The following NOL8 variants were observed in gnomAD, a reference collection of about 807,000 sequenced individuals.
NOL8 encodes the protein nucleolar protein 8, also known as nucleolar protein Nop132.
In NOL8, 93 loss-of-function variants were observed where a neutral mutation model predicts 116.1. That is an observed-to-expected ratio of 0.80 (90% confidence interval 0.68 to 0.95). The LOEUF is 0.95. Among genes scored for constraint, NOL8 ranks in the 40% least tolerant of loss-of-function variants. The pLI, the probability that NOL8 is intolerant of heterozygous loss-of-function variation, is 0.00. For synonymous variants in NOL8, 419 were observed against 469.0 expected (o/e 0.89, Z 1.38); for missense variants, 1,291 against 1,382.8 (o/e 0.93, Z 1.05).
At chr9:92,321,580 C>T (rs569849738) in intron 4 of NOL8, 88 bp downstream of exon 4, 2 of 737,044 alleles carry the variant, frequency 2.7e-6, no homozygotes, top group Non-Finnish European at 4.5e-6. Context: ...GAATATAATA[C>T]TATATTACTT....
At chr9:92,306,230 G>A (rs1298074252) in intron 11 of NOL8, among the ~76,000 whole-genome samples, 1 of 152,126 alleles carries the variant, frequency 6.6e-6, no homozygotes, top group Non-Finnish European at 1.5e-5. Context: ...CTGATCTCAG[G>A]TGATCCGCCC....
Position 92,315,468 on chromosome 9 carries a change from G to A in NOL8, c.1157C>T (p.Ala386Val), listed in dbSNP as rs867066464. Residue 386 changes from alanine (A) to valine (V), a missense_variant, in exon 7 of 17, where the codon GCG (alanine) becomes GTG (valine). Coordinates refer to ENST00000442668, the MANE Select transcript of NOL8 (RefSeq NM_017948.6). Reference sequence around the variant, plus strand: ...GACCTTAGCAACATTTTTTTTCATCGCAATAATTTCATCTGTATCTCCTGA... The same window carrying A: ...GACCTTAGCAACATTTTTTTTCATCACAATAATTTCATCTGTATCTCCTGA... Reference protein sequence around the residue: ...YDSGDTDEIIAMKKNVAKVKN... With the variant: ...YDSGDTDEIIVMKKNVAKVKN... The A allele has an allele frequency of 6.9e-6, 11 of 1,599,050 alleles. No individual in the cohort carries two copies. Among genetic ancestry groups the A allele is most frequent in the South Asian group, 2.2e-5 (2 of 89,074 alleles).
intron 10 of NOL8, among the ~76,000 whole-genome samples, chr9:92,307,259 T>C (rs534321228): frequency 6.6e-6 from 1 of 152,348 alleles, no homozygotes; most frequent in Non-Finnish European, 1.5e-5. Flanking sequence ...TATGAAAGTC[T>C]GAATTTAATG....
At chr9:92,318,182 C>A (rs1253368164) in intron 6 of NOL8, among the ~76,000 whole-genome samples, 2 of 151,844 alleles carry the variant, frequency 1.3e-5, no homozygotes, top group South Asian at 2.1e-4. Context: ...CTGCTCCAAA[C>A]TATTTCTCAA....
At chr9:92,301,510 A>C in intron 13 of NOL8, 41 bp downstream of exon 13, 1 of 1,462,648 alleles carries the variant, frequency 6.8e-7, no homozygotes, top group Non-Finnish European at 9.2e-7. Flanking sequence ...ATTAAGTTCA[A>C]ACTGAATAAA....
intron 14 of NOL8, 113 bp downstream of exon 14, chr9:92,299,777 G>A: frequency 9.2e-7 from 1 of 1,084,206 alleles, no homozygotes. Flanking sequence ...AATAAAAAAA[G>A]AAGCTAAGAC....
Position 92,310,190 on chromosome 9 carries a change from G to C in NOL8, c.2667C>G (p.Asp889Glu). 1 of 1,608,020 alleles carries C rather than the reference G, an allele frequency of 6.2e-7. No homozygotes were observed. The highest frequency in any genetic ancestry group is 8.5e-7 in the Non-Finnish European group (1 of 1,177,234). Residue 889 changes from aspartate (D) to glutamate (E), a missense_variant, in exon 10 of 17, where the codon GAC (aspartate) becomes GAG (glutamate). Asp to Glu is a conservative substitution (Grantham distance 45, BLOSUM62 2). Transcript: ENST00000442668. ...ATTTACCTTCCTGTTCCTCTTCACT[G>C]TCAGTTTCTAGAAATCGAGAGTCCA... ...FRMDSRFLET[D>E]SEEEQEEVNE...
At chr9:92,311,096 G>T in intron 8 of NOL8, 50 bp downstream of exon 8, 2 of 1,385,988 alleles carry the variant, frequency 1.4e-6, no homozygotes, top group South Asian at 1.2e-5. Context: ...TTTGTGGTGT[G>T]GATCTGCAGA....
Position 92,324,052 on chromosome 9 carries a change from A to G in NOL8, c.110T>C (p.Val37Ala), listed in dbSNP as rs1840202560. Residue 37 changes from valine to alanine, a missense_variant, in exon 2 of 17, where the codon GTG (valine) becomes GCG (alanine). By Grantham distance (64) the Val-to-Ala change is moderately conservative (BLOSUM62 0). Coordinates refer to ENST00000442668, the MANE Select transcript of NOL8 (RefSeq NM_017948.6). ...GTCATCTTTCCGTGTGATGATCTCC[A>G]CATCCGAAACTTCTCCAAATCTGCT... ...QFSRFGEVSD[V>A]EIITRKDDQG... The G allele has an allele frequency of 1.2e-6, 2 of 1,613,996 alleles. No homozygotes were observed. The highest frequency in any genetic ancestry group is 2.7e-5 in the African/African-American group (2 of 75,064).
intron 11 of NOL8, 80 bp from the exon 12 acceptor site, chr9:92,305,910 A>AT: frequency 1.2e-6 from 1 of 864,354 alleles, no homozygotes; most frequent in Non-Finnish European, 1.9e-6. Context: ...ATTATAATTC[A>AT]GCACTAGGAA....
intron 4 of NOL8, chr9:92,320,400 T>A: frequency 3.2e-6 from 1 of 314,830 alleles, no homozygotes; most frequent in Non-Finnish European, 6.3e-6. Context: ...GAAAGGTATA[T>A]AACCACCCTG....
At chr9:92,298,388 G>A (rs1377843640) in intron 15 of NOL8, 52 bp from the exon 16 acceptor site, 1 of 1,166,490 alleles carries the variant, frequency 8.6e-7, no homozygotes, top group Non-Finnish European at 1.2e-6. Context: ...ACTAAAATTG[G>A]TAATATTCTA....
Position 92,307,478 on chromosome 9 carries a change from T to G in NOL8, c.2687-454A>C, listed in dbSNP as rs139085796. On this transcript the variant is annotated intron_variant, in intron 10 of 16. Transcript: ENST00000442668. ...ATATTAGTGGATAGTTGTTTCAGTC[T>G]TTGATTCAATAACAAGTATTATGGG... is the stretch of plus-strand genomic sequence containing the variant. Among the ~76,000 whole-genome samples, 25 of 152,310 alleles carry G rather than the reference T, an allele frequency of 1.6e-4. No individual in the cohort carries two copies. The East Asian group carries it at 4.4e-3, about 27-fold the overall frequency.
chr9:92,317,266 G>A (rs1034300430), intron 6 of NOL8, among the ~76,000 whole-genome samples: 6 of 152,160 alleles, frequency 3.9e-5, no homozygotes, highest in African/African-American at 1.4e-4. Context: ...CACCTTAAGC[G>A]ATTACTCTTG....
chr9:92,312,027 A>G (rs1488926062), intron 7 of NOL8, among the ~76,000 whole-genome samples: 2 of 152,248 alleles, frequency 1.3e-5, no homozygotes, highest in African/African-American at 4.8e-5. Flanking sequence ...TCATAAAAAA[A>G]GAATGCAATC....
At position 92,297,603 on chromosome 9, in the gene NOL8, C is replaced by T; in HGVS notation, c.*233G>A. The T allele has an allele frequency of 2.0e-6, 1 of 491,678 alleles. No individual in the cohort carries two copies. The highest frequency in any genetic ancestry group is 3.6e-6 in the Non-Finnish European group (1 of 278,376). 30.5% of individuals were successfully genotyped at this position (491,678 alleles called of 1,614,324 possible). ...TATATACAAAAAGTATTTTCAAGGA[C>T]TATCTTGTTCTTCCTTTATAAGAAG... is the stretch of plus-strand genomic sequence containing the variant. On this transcript the variant is annotated 3_prime_UTR_variant, in exon 17 of 17. Transcript: ENST00000442668.
chr9:92,305,753 C>T lies in NOL8; in HGVS notation c.2903G>A (p.Ser968Asn). 1.3e-6 allele frequency: 2 copies of T among 1,597,802 alleles called. No homozygotes were observed. The highest frequency in any genetic ancestry group is 1.7e-5 in the Admixed American group (1 of 59,924). The change falls in exon 12 of 17, where the codon AGT (serine) becomes AAT (asparagine). Residue 968 changes from serine (S) to asparagine (N), a missense_variant and splice_region_variant. Physicochemically the swap from Ser to Asn is conservative, Grantham distance 46 (BLOSUM62 1). Transcript: ENST00000442668. ...ERKRDDKPKE[S>N]KAKRKKKREE... The stretch of plus-strand genomic sequence containing the variant: ...TGCTAAAAGAAGTAGCTCTACTTAC[C>T]TTTCTTTTGGCTTATCATCTCTTTT...
chr9:92,323,648 C>T (rs1840126712), intron 2 of NOL8, 145 bp from the exon 3 acceptor site: 4 of 629,466 alleles, frequency 6.4e-6, no homozygotes, highest in Non-Finnish European at 1.0e-5. Context: ...TTTTTATTGG[C>T]TATAAAAATA....
In NOL8 at chr9:92,324,135, G is replaced by T. The variant is rs1386926284; in HGVS notation, c.27C>A (p.Arg9=). Residue 9 remains arginine (R), a synonymous_variant, in exon 2 of 17, where the codon CGC becomes CGA. Coordinates refer to ENST00000442668, the MANE Select transcript of NOL8 (RefSeq NM_017948.6). MKVNRETK[R]LYVGGLSQDI... is the part of the protein sequence containing the mutation. ...CCTGGCTAAGGCCACCCACATAAAG[G>T]CGCTTCGTTTCTCTGTTCACTTTCA... 6.2e-7 allele frequency: 1 copy of T among 1,613,856 alleles called. No homozygotes were observed. The highest frequency in any genetic ancestry group is 1.1e-5 in the South Asian group (1 of 91,074).
Sources: gnomAD v4.1 joint callset for allele counts (sites outside exome capture counted in the v4.1 genomes callset) on GRCh38, gnomAD v4.1.1 for gene constraint, MANE v1.5 for transcripts, NCBI Gene and HGNC (gene_info 2026-07-23, HGNC 2026-07-21) for gene names.